Variants in SLC6A6 observed in about 807,000 individuals in gnomAD.
The protein encoded by SLC6A6 is sodium- and chloride-dependent taurine transporter.
In SLC6A6, 16 loss-of-function variants were observed where a neutral mutation model predicts 68.8. The observed-to-expected ratio is 0.23, with a 90% CI of 0.16 to 0.35. SLC6A6 has a LOEUF of 0.35. SLC6A6 is among the 10% of genes least tolerant of loss of function. The pLI, the probability that SLC6A6 is intolerant of heterozygous loss-of-function variation, is 1.00. For synonymous variants in SLC6A6, 312 were observed against 315.4 expected, an observed-to-expected ratio of 0.99 and a Z score of 0.12; for missense variants, 474 against 802.8, an observed-to-expected ratio of 0.59 and a Z score of 4.95.
chr3:14,476,301 G>C (rs1267817805), intron 10 of SLC6A6, among the ~76,000 whole-genome samples: 1 of 152,228 alleles, frequency 6.6e-6, no homozygotes, highest in African/African-American at 2.4e-5. Flanking sequence ...CAATGGCGAT[G>C]CCTACCCACA....
Position 14,481,880 on chromosome 3 carries a change from G to C in SLC6A6, c.1722+39G>C, listed in dbSNP as rs201765853. 6.4e-7 allele frequency: 1 copy of C among 1,573,470 alleles called. No homozygotes were observed. Among genetic ancestry groups the C allele is most frequent in the African/African-American group, 1.4e-5 (1 of 73,980 alleles). ...CCCAGGGCCAGGGGAGGTGGGAGGC[G>C]CGAGGCCAAAGGTGATTGTTGTCAG... On this transcript the variant is annotated intron_variant, in intron 14 of 14. Coordinates refer to ENST00000622186, the MANE Select transcript of SLC6A6 (RefSeq NM_003043.6). The surrounding 1 kb of genome is among the most constrained non-coding windows in gnomAD (Gnocchi z 4.7).
intron 2 of SLC6A6, among the ~76,000 whole-genome samples, chr3:14,422,954 C>A (rs1699516627): frequency 6.6e-6 from 1 of 152,222 alleles, no homozygotes; most frequent in Non-Finnish European, 1.5e-5. Context: ...AGACAAGGGT[C>A]TGTCTCTTGT....
intron 2 of SLC6A6, among the ~76,000 whole-genome samples, chr3:14,428,565 A>G (rs1422783449): frequency 6.6e-6 from 1 of 152,214 alleles, no homozygotes; most frequent in Non-Finnish European, 1.5e-5. Context: ...AGGAACCTGA[A>G]GCAGAGACAG....
chr3:14,416,036 GCTGA>G lies in SLC6A6; in HGVS notation c.-53-373_-53-370del, dbSNP rs140868837. ...CAAGGGCAATGTGATGGTTCTTGCTGCTGACTAAGTTTTGGGGACCCTGCATCCA... is the reference window on the plus strand; with the variant it reads ...CAAGGGCAATGTGATGGTTCTTGCTGCTAAGTTTTGGGGACCCTGCATCCA... On this transcript the variant is annotated intron_variant, in intron 1 of 14. Transcript: ENST00000622186. Among the ~76,000 whole-genome samples the G allele has an allele frequency of 1.1e-3, 174 of 152,306 alleles. 1 individual carries two copies. The highest frequency in any genetic ancestry group is 4.0e-3 in the African/African-American group (165 of 41,564).
chr3:14,481,615 C>T lies in SLC6A6; in HGVS notation c.1552-56C>T. ...TTGAGGCCAGTCCTAGTCCCAGAAG[C>T]CCCCCACCCCCCGATGCCCAGGACC... On this transcript the variant is annotated intron_variant, in intron 13 of 14. Coordinates refer to ENST00000622186, the MANE Select transcript of SLC6A6 (RefSeq NM_003043.6). The surrounding 1 kb of genome is among the most constrained non-coding windows in gnomAD (Gnocchi z 4.7). 8.2e-7 allele frequency: 1 copy of T among 1,220,394 alleles called. No homozygotes were observed. The highest frequency in any genetic ancestry group is 1.2e-6 in the Non-Finnish European group (1 of 843,720). 75.6% of individuals were successfully genotyped at this position (1,220,394 alleles called of 1,614,324 possible).
chr3:14,409,736 G>C (rs139042329), intron 1 of SLC6A6, among the ~76,000 whole-genome samples: 15 of 152,344 alleles, frequency 9.8e-5, no homozygotes, highest in African/African-American at 3.6e-4. Context: ...TGGGAACGCC[G>C]CCTCAGGTCT....
chr3:14,461,367 C>T (rs1029442244), intron 6 of SLC6A6, among the ~76,000 whole-genome samples: 6 of 152,254 alleles, frequency 3.9e-5, no homozygotes, highest in African/African-American at 1.2e-4. Flanking sequence ...TGGACCCAGG[C>T]GGCCCCACTC....
chr3:14,466,569 C>A lies in SLC6A6; in HGVS notation c.786C>A (p.Val262=), dbSNP rs777397049. 2.5e-6 allele frequency: 4 copies of A among 1,613,630 alleles called. No homozygotes were observed. In the Admixed American group the frequency reaches 5.0e-5, roughly 20 times the overall value. Residue 262 remains valine, a synonymous_variant, in exon 7 of 15, where the codon GTC becomes GTA. Coordinates refer to ENST00000622186, the MANE Select transcript of SLC6A6 (RefSeq NM_003043.6). ...FPFAMLLVLL[V]RGLTLPGAGA... is the part of the protein sequence containing the mutation. The stretch of plus-strand genomic sequence containing the variant: ...TCGCCATGCTCCTGGTGCTGCTGGT[C>A]CGAGGGCTGACGCTGCCGGGCGCGG...
rs1311115925 is a variant in SLC6A6, at chr3:14,481,982, T to C, written c.1722+141T>C. ...CTCACCCATCCAGTGGTTCAGCTTA[T>C]GGGCAGCAGAGTGCATTGTGGGAAG... On this transcript the variant is annotated intron_variant, in intron 14 of 14. Transcript: ENST00000622186. The surrounding 1 kb of genome is among the most constrained non-coding windows in gnomAD (Gnocchi z 4.7). 3.0e-6 allele frequency: 2 copies of C among 671,520 alleles called. No individual in the cohort carries two copies. The highest frequency in any genetic ancestry group is 1.8e-5 in the African/African-American group (1 of 55,096). 41.6% of individuals were successfully genotyped at this position (671,520 alleles called of 1,614,324 possible).
rs528745807 is a variant in SLC6A6, at chr3:14,404,215, T to C, written c.-54+1368T>C. Among the ~76,000 whole-genome samples, 14 of 152,314 alleles carry C rather than the reference T, an allele frequency of 9.2e-5. No homozygotes were observed. The East Asian group carries it at 2.3e-3, about 25-fold the overall frequency. ...TTGTTGGCTAGAAGGGAGGGGATCTTGTCCAGAGTCTCCTAGCCAGAAGGA... is the reference window on the plus strand; with the variant it reads ...TTGTTGGCTAGAAGGGAGGGGATCTCGTCCAGAGTCTCCTAGCCAGAAGGA... On this transcript the variant is annotated intron_variant, in intron 1 of 14. Coordinates refer to ENST00000622186, the MANE Select transcript of SLC6A6 (RefSeq NM_003043.6).
chr3:14,444,677 A>G (rs754060566), intron 3 of SLC6A6: 4 of 455,318 alleles, frequency 8.8e-6, no homozygotes, highest in African/African-American at 6.0e-5. Flanking sequence ...TGCTGCCCAC[A>G]TTAGTAGAAC....
chr3:14,439,821 C>G (rs1279968030), intron 2 of SLC6A6, among the ~76,000 whole-genome samples: 2 of 152,082 alleles, frequency 1.3e-5, no homozygotes, highest in Non-Finnish European at 2.9e-5. Context: ...CAGAGATACT[C>G]CGGGGACTCC....
At chr3:14,406,460 G>C (rs183609571) in intron 1 of SLC6A6, among the ~76,000 whole-genome samples, 1 of 152,292 alleles carries the variant, frequency 6.6e-6, no homozygotes, top group East Asian at 1.9e-4. Context: ...TGGGGTCCAG[G>C]AGACGGAGAG....
At chr3:14,435,532 C>T (rs749456465) in intron 2 of SLC6A6, among the ~76,000 whole-genome samples, 8 of 152,204 alleles carry the variant, frequency 5.3e-5, no homozygotes, top group Non-Finnish European at 1.2e-4. Context: ...TATTTTTGCT[C>T]ATTGTTTCGG....
intron 2 of SLC6A6, among the ~76,000 whole-genome samples, chr3:14,430,606 T>C (rs1401754612): frequency 6.6e-6 from 1 of 152,240 alleles, no homozygotes; most frequent in Non-Finnish European, 1.5e-5. Flanking sequence ...CAGTAGCCGC[T>C]GTTAGGCACC....
chr3:14,442,476 T>A (rs1417265801), intron 2 of SLC6A6, among the ~76,000 whole-genome samples: 1 of 152,222 alleles, frequency 6.6e-6, no homozygotes, highest in Non-Finnish European at 1.5e-5. Context: ...GACCCAGCCT[T>A]GAGCTGTTTC....
chr3:14,461,091 C>CT lies in SLC6A6; in HGVS notation c.732+3015dup, dbSNP rs545989217. 2.4e-4 allele frequency among the ~76,000 whole-genome samples: 37 copies of CT among 152,336 alleles called. No individual in the cohort carries two copies. In the South Asian group the frequency reaches 7.0e-3, roughly 29 times the overall value. Reference sequence around the variant, plus strand: ...CTTTGCCTCTCTAGGTTGCAGTTTCCTTTTTTGTAATTTTCACTATTCCAG... The same window carrying CT: ...CTTTGCCTCTCTAGGTTGCAGTTTCCTTTTTTTGTAATTTTCACTATTCCAG... On this transcript the variant is annotated intron_variant, in intron 6 of 14. Coordinates refer to ENST00000622186, the MANE Select transcript of SLC6A6 (RefSeq NM_003043.6).
In SLC6A6 at chr3:14,468,809, G is replaced by A. The variant is rs28488799; in HGVS notation, c.1096+597G>A. 0.21 allele frequency among the ~76,000 whole-genome samples: 32,589 copies of A among 152,006 alleles called. 4,149 individuals are homozygous for A. Among genetic ancestry groups the A allele is most frequent in the East Asian group, 0.37 (1,886 of 5,154 alleles). On this transcript the variant is annotated intron_variant, in intron 9 of 14. Coordinates refer to ENST00000622186, the MANE Select transcript of SLC6A6 (RefSeq NM_003043.6). This position sits in a 1 kb window ranked among gnomAD's most constrained non-coding sequence, Gnocchi z 4.5. ...GGGGGTGGGTTGTAAGCACAGTGTC[G>A]CCCCTCGGGGTGTGGGCCCTGTTGA...
intron 11 of SLC6A6, among the ~76,000 whole-genome samples, 156 bp from the exon 12 acceptor site, chr3:14,478,310 T>C (rs1158183563): frequency 6.6e-6 from 1 of 152,244 alleles, no homozygotes; most frequent in Admixed American, 6.5e-5. Flanking sequence ...AAACATGAAG[T>C]TGAGCATCTT....
Sources: gnomAD v4.1 joint callset for allele counts (sites outside exome capture counted in the v4.1 genomes callset) on GRCh38, gnomAD v4.1.1 for gene constraint, Gnocchi (gnomAD v3.1) non-coding constraint, MANE v1.5 for transcripts, NCBI Gene and HGNC (gene_info 2026-07-23, HGNC 2026-07-21) for gene names.